PLCL1: variants seen among roughly 807,000 people sequenced by gnomAD.
PLCL1 encodes phospholipase C like 1 (inactive).
PLCL1 carries 41 observed loss-of-function variants against 84.4 expected under a neutral mutation model. That is an observed-to-expected ratio of 0.49 (90% CI 0.38 to 0.63). The LOEUF is 0.63. Among genes scored for constraint, PLCL1 ranks in the 30% least tolerant of loss-of-function variants. The pLI is 0.00. For synonymous variants in PLCL1, 490 were observed against 488.3 expected, an observed-to-expected ratio of 1.00 and a Z score of -0.05; for missense variants, 1,206 against 1,367.8, an observed-to-expected ratio of 0.88 and a Z score of 1.87.
intron 1 of PLCL1, among the ~76,000 whole-genome samples, chr2:197,862,637 A>G (rs1354431088): frequency 6.6e-6 from 1 of 152,068 alleles, no homozygotes; most frequent in Non-Finnish European, 1.5e-5. Flanking sequence ...TTGATGTGGG[A>G]ACACTTTAGT....
intron 1 of PLCL1, among the ~76,000 whole-genome samples, chr2:198,004,739 A>G (rs1202810867): frequency 6.6e-6 from 1 of 152,250 alleles, no homozygotes; most frequent in African/African-American, 2.4e-5. Flanking sequence ...AAACCTAAGT[A>G]TCTAAACATA....
intron 1 of PLCL1, among the ~76,000 whole-genome samples, chr2:198,015,980 A>G (rs571167394): frequency 6.6e-6 from 1 of 152,354 alleles, no homozygotes; most frequent in East Asian, 1.9e-4. Flanking sequence ...AATAGATTGT[A>G]TATGTTGGAA....
intron 1 of PLCL1, among the ~76,000 whole-genome samples, chr2:198,002,418 A>G (rs908301849): frequency 6.6e-6 from 1 of 152,218 alleles, no homozygotes; most frequent in Non-Finnish European, 1.5e-5. Context: ...ATAATTTTCC[A>G]AAGTGTTTGT....
chr2:197,908,224 C>T (rs1688419723), intron 1 of PLCL1, among the ~76,000 whole-genome samples: 2 of 152,064 alleles, frequency 1.3e-5, no homozygotes, highest in South Asian at 2.1e-4. Flanking sequence ...TGGGGAAATC[C>T]CTTTGAAAAT....
In PLCL1 at chr2:197,974,749, G is replaced by A. The variant is rs189841006; in HGVS notation, c.241-109009G>A. ...TGGTATTGTGTACTTTGGGAAGAAT[G>A]CCGTTGGGGGAAATTCTGACCCCTT... On this transcript the variant is annotated intron_variant, in intron 1 of 5. Transcript: ENST00000428675. Among the ~76,000 whole-genome samples, 33 of 152,328 alleles carry A rather than the reference G, an allele frequency of 2.2e-4. No homozygotes were observed. The East Asian group carries it at 6.2e-3, about 29-fold the overall frequency.
rs1157373483 is a variant in PLCL1, at chr2:198,148,561, T to C, written c.*1599T>C. ...ACTGGGCACTCGAGGAGGAGGTACC[T>C]GAAGTCATTTGAAGGCAAGTTTCCA... On this transcript the variant is annotated 3_prime_UTR_variant, in exon 6 of 6. Coordinates refer to ENST00000428675, the MANE Select transcript of PLCL1 (RefSeq NM_006226.4). 6.6e-6 allele frequency: 1 copy of C among 152,332 alleles called. No homozygotes were observed. The highest frequency in any genetic ancestry group is 1.5e-5 in the Non-Finnish European group (1 of 68,022). 9.4% of individuals were successfully genotyped at this position (152,332 alleles called of 1,614,324 possible).
At chr2:197,916,739 C>T (rs1013517371) in intron 1 of PLCL1, among the ~76,000 whole-genome samples, 9 of 151,668 alleles carry the variant, frequency 5.9e-5, no homozygotes, top group East Asian at 3.9e-4. Context: ...CTCTGATGCC[C>T]GGTGCCCAGC....
intron 1 of PLCL1, among the ~76,000 whole-genome samples, chr2:197,914,359 T>C (rs13011918): frequency 0.49 from 73,233 of 150,794 alleles, 18,641 homozygotes; most frequent in East Asian, 0.77. Flanking sequence ...AATGGAGTTT[T>C]GTTCTTGTAG....
intron 1 of PLCL1, among the ~76,000 whole-genome samples, chr2:197,972,530 A>T (rs1257006286): frequency 6.6e-6 from 1 of 152,208 alleles, no homozygotes; most frequent in Non-Finnish European, 1.5e-5. Context: ...TAAAGAAATT[A>T]TCCTTCATCA....
chr2:198,111,680 G>A (rs1006411068), intron 5 of PLCL1, among the ~76,000 whole-genome samples: 1 of 151,764 alleles, frequency 6.6e-6, no homozygotes, highest in African/African-American at 2.4e-5. Context: ...TTTACAGATA[G>A]GGGAAATGAG....
At chr2:197,892,015 T>A (rs911712806) in intron 1 of PLCL1, among the ~76,000 whole-genome samples, 1 of 152,198 alleles carries the variant, frequency 6.6e-6, no homozygotes, top group Non-Finnish European at 1.5e-5. Flanking sequence ...TCTTAAGACT[T>A]CAGGAAGCTC....
rs1694580920 is a variant in PLCL1, at chr2:198,148,593, C to T, written c.*1631C>T. 1 of 152,296 alleles carries T rather than the reference C, an allele frequency of 6.6e-6. No individual in the cohort carries two copies. 9.4% of individuals were successfully genotyped at this position (152,296 alleles called of 1,614,324 possible). On this transcript the variant is annotated 3_prime_UTR_variant, in exon 6 of 6. Transcript: ENST00000428675. ...ATTTGAAGGCAAGTTTCCAATGATG[C>T]TACAATGGCCTGAAAAAATTTCTTT...
At chr2:197,862,724 C>T (rs910072677) in intron 1 of PLCL1, among the ~76,000 whole-genome samples, 1 of 152,048 alleles carries the variant, frequency 6.6e-6, no homozygotes, top group African/African-American at 2.4e-5. Context: ...CAGGAAAATG[C>T]CTGAGATTAG....
At chr2:197,903,649 A>ATTTTTTTTTT (rs11295926) in intron 1 of PLCL1, among the ~76,000 whole-genome samples, 1 of 72,436 alleles carries the variant, frequency 1.4e-5, no homozygotes. Context: ...ACGCCCAGCT[A>ATTTTTTTTTT]TTTTTTTTTT....
At chr2:198,108,584 A>G (rs1693544902) in intron 5 of PLCL1, among the ~76,000 whole-genome samples, 3 of 151,920 alleles carry the variant, frequency 2.0e-5, no homozygotes, top group African/African-American at 7.2e-5. Context: ...TCAATATTAC[A>G]TTTATCTGAT....
chr2:198,085,074 A>T lies in PLCL1; in HGVS notation c.1557A>T (p.Ala519=), dbSNP rs1393668863. 6.2e-7 allele frequency: 1 copy of T among 1,614,066 alleles called. No individual in the cohort carries two copies. ...KVFGNKLYTE[A]PLPSESYLPS... ...TTGGCAATAAACTCTATACTGAAGCACCTTTGCCCTCAGAATCCTACCTCC... is the reference window on the plus strand; with the variant it reads ...TTGGCAATAAACTCTATACTGAAGCTCCTTTGCCCTCAGAATCCTACCTCC... Residue 519 remains alanine, a synonymous_variant, in exon 2 of 6, where the codon GCA becomes GCT. Coordinates refer to ENST00000428675, the MANE Select transcript of PLCL1 (RefSeq NM_006226.4). This position sits in a 1 kb window ranked among gnomAD's most constrained non-coding sequence, Gnocchi z 5.3.
chr2:197,811,434 C>T (rs1030329709), intron 1 of PLCL1, among the ~76,000 whole-genome samples: 12 of 152,090 alleles, frequency 7.9e-5, no homozygotes, highest in South Asian at 4.1e-4. Flanking sequence ...TCAGCAGTGC[C>T]GTTTAAACTC....
intron 1 of PLCL1, among the ~76,000 whole-genome samples, chr2:197,841,304 T>C (rs1686998681): frequency 6.6e-6 from 1 of 152,208 alleles, no homozygotes; most frequent in Non-Finnish European, 1.5e-5. Context: ...TGTATAATAA[T>C]ATGTATCTAT....
chr2:197,863,075 G>A (rs1444760522), intron 1 of PLCL1, among the ~76,000 whole-genome samples: 1 of 151,858 alleles, frequency 6.6e-6, no homozygotes, highest in Non-Finnish European at 1.5e-5. Flanking sequence ...GGATATTTTA[G>A]CCTTTTGAGT....
Sources: gnomAD v4.1 joint callset for allele counts (sites outside exome capture counted in the v4.1 genomes callset) on GRCh38, gnomAD v4.1.1 for gene constraint, Gnocchi (gnomAD v3.1) non-coding constraint, MANE v1.5 for transcripts, NCBI Gene and HGNC (gene_info 2026-07-23, HGNC 2026-07-21) for gene names.